EDIL3: variants seen among roughly 807,000 people sequenced by gnomAD.
EDIL3 encodes the protein EGF like and discoidin domains 3.
EDIL3 carries 37 observed loss-of-function variants against 67.4 expected under a neutral mutation model. The ratio of observed to expected loss-of-function variants is 0.55; its 90% CI spans 0.42 to 0.72. EDIL3 has a LOEUF of 0.72. Among genes scored for constraint, EDIL3 ranks in the 30% least tolerant of loss-of-function variants. The probability of loss-of-function intolerance (pLI) is 0.00; values close to 1 mark genes in which losing one functional copy is unlikely to be tolerated. For synonymous variants in EDIL3, 195 were observed against 196.3 expected (o/e 0.99, Z 0.05); for missense variants, 527 against 586.3 (o/e 0.90, Z 1.04).
Position 84,037,868 on chromosome 5 carries a change from C to T in EDIL3, c.1137+22432G>A, listed in dbSNP as rs538269125. On this transcript the variant is annotated intron_variant, in intron 9 of 10. Transcript: ENST00000296591. The stretch of plus-strand genomic sequence containing the variant: ...GAATTAAAAAAAATTATTTGTCATT[C>T]TCTGCCTCTTGTTGATTTGTATGAT... 3.9e-5 allele frequency among the ~76,000 whole-genome samples: 6 copies of T among 152,072 alleles called. No individual in the cohort carries two copies. In the South Asian group the frequency reaches 1.2e-3, roughly 32 times the overall value.
At chr5:84,303,806 CTCTGTGTGTGTG>C (rs1165914086) in intron 1 of EDIL3, among the ~76,000 whole-genome samples, 1 of 101,334 alleles carries the variant, frequency 9.9e-6, no homozygotes. Flanking sequence ...CTCTCTCTCT[CTCTGTGTGTGTG>C]TGTGTGTGTG....
chr5:84,240,621 TA>T (rs2112057431), intron 2 of EDIL3, among the ~76,000 whole-genome samples: 1 of 152,222 alleles, frequency 6.6e-6, no homozygotes, highest in Non-Finnish European at 1.5e-5. Context: ...CTCCTTAATC[TA>T]ATGCCTGATG....
chr5:84,265,514 G>A (rs1055333611), intron 1 of EDIL3, among the ~76,000 whole-genome samples: 1 of 152,138 alleles, frequency 6.6e-6, no homozygotes, highest in Admixed American at 6.5e-5. Flanking sequence ...AGATCTTGAC[G>A]AAATTTTGTA....
At chr5:84,006,423 G>C in intron 9 of EDIL3, among the ~76,000 whole-genome samples, 1 of 152,156 alleles carries the variant, frequency 6.6e-6, no homozygotes, top group South Asian at 2.1e-4. Context: ...CAATATGGTT[G>C]GGGCTGGAGG....
intron 9 of EDIL3, among the ~76,000 whole-genome samples, chr5:84,018,414 A>T (rs1412643581): frequency 6.6e-6 from 1 of 152,146 alleles, no homozygotes; most frequent in Non-Finnish European, 1.5e-5. Flanking sequence ...ACGACAGGGA[A>T]GGTGTTTTGA....
intron 3 of EDIL3, among the ~76,000 whole-genome samples, chr5:84,206,294 C>T (rs1034308418): frequency 1.3e-5 from 2 of 151,980 alleles, no homozygotes; most frequent in African/African-American, 4.8e-5. Flanking sequence ...GTTATAATTT[C>T]TGTTCTTTTA....
chr5:84,262,383 T>A (rs1185344482), intron 1 of EDIL3, among the ~76,000 whole-genome samples: 1 of 152,062 alleles, frequency 6.6e-6, no homozygotes, highest in Non-Finnish European at 1.5e-5. Context: ...AGTTTGTATT[T>A]TCTTGCCTTT....
At chr5:83,994,731 C>A (rs1745208202) in intron 9 of EDIL3, among the ~76,000 whole-genome samples, 1 of 152,078 alleles carries the variant, frequency 6.6e-6, no homozygotes. Flanking sequence ...AGGTGTATTT[C>A]CACCTAAATT....
chr5:84,239,258 A>G (rs1744746174), intron 2 of EDIL3, among the ~76,000 whole-genome samples: 1 of 152,154 alleles, frequency 6.6e-6, no homozygotes, highest in South Asian at 2.1e-4. Flanking sequence ...CTCTTGATAA[A>G]CTCAAATTTG....
intron 5 of EDIL3, among the ~76,000 whole-genome samples, chr5:84,112,506 A>G (rs1580332646): frequency 1.3e-5 from 2 of 152,294 alleles, no homozygotes; most frequent in South Asian, 4.2e-4. Context: ...CCTCTCTTAA[A>G]ATTTATCAAA....
chr5:84,206,683 A>C, intron 3 of EDIL3, among the ~76,000 whole-genome samples: 1 of 152,106 alleles, frequency 6.6e-6, no homozygotes, highest in Non-Finnish European at 1.5e-5. Flanking sequence ...CAGCACATCA[A>C]AAAGTTTATC....
At chr5:84,115,026 C>T (rs147421752) in intron 5 of EDIL3, among the ~76,000 whole-genome samples, 2,092 of 152,236 alleles carry the variant, frequency 0.014, 39 homozygotes, top group Middle Eastern at 0.082. Context: ...CTCAATATTA[C>T]GGGATAAAGT....
chr5:84,318,945 TA>T (rs1206712127), intron 1 of EDIL3, among the ~76,000 whole-genome samples: 5 of 151,874 alleles, frequency 3.3e-5, no homozygotes, highest in East Asian at 1.9e-4. Context: ...ACAAAGAGCT[TA>T]AAAAAATTTA....
At chr5:84,037,382 C>T (rs1297356349) in intron 9 of EDIL3, among the ~76,000 whole-genome samples, 1 of 152,162 alleles carries the variant, frequency 6.6e-6, no homozygotes, top group East Asian at 1.9e-4. Flanking sequence ...TTGATTTACT[C>T]ATCTTTGGTT....
chr5:84,276,774 A>G (rs971899074), intron 1 of EDIL3, among the ~76,000 whole-genome samples: 1 of 151,848 alleles, frequency 6.6e-6, no homozygotes, highest in Admixed American at 6.6e-5. Flanking sequence ...GGGTTTCACC[A>G]TGTTGGCCAG....
intron 1 of EDIL3, among the ~76,000 whole-genome samples, chr5:84,327,235 A>G (rs1295026246): frequency 6.6e-6 from 1 of 151,932 alleles, no homozygotes; most frequent in Non-Finnish European, 1.5e-5. Context: ...TTACTAACCA[A>G]AACTTTGTAA....
chr5:84,363,446 C>CA (rs34829764), intron 1 of EDIL3, among the ~76,000 whole-genome samples: 6,210 of 76,406 alleles, frequency 0.081, 146 homozygotes, highest in Non-Finnish European at 0.11. Flanking sequence ...AAGACTCTGT[C>CA]AAAAAAAAAA....
At chr5:84,369,001 G>A (rs1747793158) in intron 1 of EDIL3, among the ~76,000 whole-genome samples, 1 of 151,918 alleles carries the variant, frequency 6.6e-6, no homozygotes, top group Admixed American at 6.6e-5. Flanking sequence ...TGTAGAGTAT[G>A]TGCACTCTTG....
chr5:84,266,170 A>T (rs986440059), intron 1 of EDIL3, among the ~76,000 whole-genome samples: 11 of 152,228 alleles, frequency 7.2e-5, no homozygotes, highest in Admixed American at 6.5e-4. Flanking sequence ...CAACTCTTTA[A>T]GAACTTGAAT....
Sources: allele counts gnomAD v4.1 joint callset (sites outside exome capture counted in the v4.1 genomes callset), GRCh38; gene constraint gnomAD v4.1.1; transcripts MANE v1.5; gene names NCBI Gene and HGNC (gene_info 2026-07-23, HGNC 2026-07-21).